STEAP1B: variants seen among roughly 807,000 people sequenced by gnomAD.
STEAP1B encodes the protein STEAP family member 1B.
Under a neutral mutation model 27.9 loss-of-function variants are expected in STEAP1B, and 13 were observed. That is an observed-to-expected ratio of 0.47 (90% confidence interval 0.30 to 0.74). The LOEUF (loss-of-function observed/expected upper bound fraction) is 0.74. STEAP1B is among the 30% of genes least tolerant of loss of function. The pLI is 0.06. For missense variants in STEAP1B, 250 were observed against 298.7 expected, an observed-to-expected ratio of 0.84 and a Z score of 1.20; for synonymous variants, 86 against 107.1, an observed-to-expected ratio of 0.80 and a Z score of 1.22.
chr7:22,453,403 G>C (rs1269460568), intron 4 of STEAP1B, among the ~76,000 whole-genome samples: 1 of 2,576 alleles, frequency 3.9e-4, no homozygotes, highest in Non-Finnish European at 0.011. Flanking sequence ...GAACTCTACA[G>C]AGACCCCTTT....
At chr7:22,490,491 C>T (rs1185178534) in intron 4 of STEAP1B, among the ~76,000 whole-genome samples, 1 of 152,088 alleles carries the variant, frequency 6.6e-6, no homozygotes, top group Non-Finnish European at 1.5e-5. Flanking sequence ...CTGAGCTTTC[C>T]AAACTCAAAA....
intron 4 of STEAP1B, among the ~76,000 whole-genome samples, chr7:22,438,986 G>A (rs1785292023): frequency 6.6e-6 from 1 of 152,130 alleles, no homozygotes. Context: ...ACTAAGTACT[G>A]AATTTCCATG....
At chr7:22,470,897 C>A (rs1449033766) in intron 4 of STEAP1B, among the ~76,000 whole-genome samples, 1 of 151,672 alleles carries the variant, frequency 6.6e-6, no homozygotes, top group Non-Finnish European at 1.5e-5. Flanking sequence ...AAATATAAAA[C>A]CCTCATTTCA....
intron 3 of STEAP1B, 142 bp downstream of exon 3, chr7:22,493,182 T>C: frequency 9.2e-7 from 1 of 1,091,614 alleles, no homozygotes. Context: ...CTAGTGTAAT[T>C]ATAAGAAAAA....
At chr7:22,471,378 A>G (rs1210879929) in intron 4 of STEAP1B, among the ~76,000 whole-genome samples, 1 of 152,204 alleles carries the variant, frequency 6.6e-6, no homozygotes, top group Non-Finnish European at 1.5e-5. Context: ...GATCCCTGAA[A>G]GTGTAAACTG....
At chr7:22,453,647 T>G (rs1437971659) in intron 4 of STEAP1B, among the ~76,000 whole-genome samples, 1 of 152,232 alleles carries the variant, frequency 6.6e-6, no homozygotes, top group Non-Finnish European at 1.5e-5. Context: ...GTAACAACCT[T>G]TGATCAAAAC....
intron 4 of STEAP1B, among the ~76,000 whole-genome samples, chr7:22,486,715 C>A (rs1786215325): frequency 6.6e-6 from 1 of 152,238 alleles, no homozygotes; most frequent in East Asian, 1.9e-4. Flanking sequence ...AAGGGGTCAT[C>A]CTGCTAAACC....
chr7:22,436,422 T>A (rs1316545597), intron 4 of STEAP1B, among the ~76,000 whole-genome samples: 3 of 128,810 alleles, frequency 2.3e-5, no homozygotes, highest in African/African-American at 7.6e-5. Context: ...GCCATTTTTT[T>A]AAATTTAAGT....
At chr7:22,493,035 A>C (rs978188537) in intron 3 of STEAP1B, among the ~76,000 whole-genome samples, 9 of 152,222 alleles carry the variant, frequency 5.9e-5, no homozygotes, top group African/African-American at 2.2e-4. Flanking sequence ...CAATATTAAA[A>C]AGTAATCTTG....
At chr7:22,433,881 G>A (rs1290193616) in intron 4 of STEAP1B, among the ~76,000 whole-genome samples, 3 of 152,258 alleles carry the variant, frequency 2.0e-5, no homozygotes, top group African/African-American at 2.4e-5. Context: ...ATCCACCACC[G>A]ATCACGTTCT....
intron 4 of STEAP1B, among the ~76,000 whole-genome samples, chr7:22,437,711 A>C (rs1042518430): frequency 1.3e-5 from 2 of 152,184 alleles, no homozygotes; most frequent in Non-Finnish European, 2.9e-5. Flanking sequence ...ATTAATTTAC[A>C]TTTCCATCAA....
At chr7:22,451,444 A>C (rs978730106) in intron 4 of STEAP1B, among the ~76,000 whole-genome samples, 1 of 152,230 alleles carries the variant, frequency 6.6e-6, no homozygotes, top group Non-Finnish European at 1.5e-5. Flanking sequence ...GACGTTGAAT[A>C]ACAGTGATGA....
intron 4 of STEAP1B, among the ~76,000 whole-genome samples, chr7:22,421,554 C>A (rs747763441): frequency 1.3e-5 from 2 of 152,206 alleles, no homozygotes; most frequent in African/African-American, 4.8e-5. Flanking sequence ...CTCCCTGTTG[C>A]CTGCAGGCAC....
At chr7:22,430,852 A>C (rs1363518437) in intron 4 of STEAP1B, among the ~76,000 whole-genome samples, 1 of 152,114 alleles carries the variant, frequency 6.6e-6, no homozygotes, top group Non-Finnish European at 1.5e-5. Flanking sequence ...CATGACCTGC[A>C]TTTTTCCCAA....
chr7:22,496,777 G>T (rs373435758), intron 1 of STEAP1B, among the ~76,000 whole-genome samples: 1 of 152,038 alleles, frequency 6.6e-6, no homozygotes. Flanking sequence ...ATGAAATCCC[G>T]CCTTACAATG....
intron 4 of STEAP1B, among the ~76,000 whole-genome samples, chr7:22,440,154 C>T (rs1317404375): frequency 6.6e-6 from 1 of 152,046 alleles, no homozygotes; most frequent in African/African-American, 2.4e-5. Flanking sequence ...AACGAGCTTA[C>T]TTAGGGACAA....
At chr7:22,424,463 C>T (rs951861547) in intron 4 of STEAP1B, among the ~76,000 whole-genome samples, 2 of 152,044 alleles carry the variant, frequency 1.3e-5, no homozygotes, top group Admixed American at 6.5e-5. Context: ...ATAATTGTCA[C>T]CAATTAAAAT....
At chr7:22,465,380 T>C (rs1240323564) in intron 4 of STEAP1B, among the ~76,000 whole-genome samples, 1 of 152,182 alleles carries the variant, frequency 6.6e-6, no homozygotes, top group Non-Finnish European at 1.5e-5. Flanking sequence ...TTTTTTGCTT[T>C]TTTAAAAACT....
chr7:22,421,830 G>A (rs1051672538), intron 4 of STEAP1B, among the ~76,000 whole-genome samples: 1 of 152,122 alleles, frequency 6.6e-6, no homozygotes, highest in Non-Finnish European at 1.5e-5. Flanking sequence ...AAACTCATTA[G>A]GTACTCAGTA....
Sources: gnomAD v4.1 joint callset for allele counts (sites outside exome capture counted in the v4.1 genomes callset) on GRCh38, gnomAD v4.1.1 for gene constraint, MANE v1.5 for transcripts, NCBI Gene and HGNC (gene_info 2026-07-23, HGNC 2026-07-21) for gene names.